CDC42SE2: variants seen among roughly 807,000 people sequenced by gnomAD.
The protein encoded by CDC42SE2 is CDC42 small effector protein 2.
CDC42SE2 carries 3 observed loss-of-function variants against 11.5 expected under a neutral mutation model. That is an observed-to-expected ratio of 0.26 (90% confidence interval 0.12 to 0.67). CDC42SE2 has a LOEUF of 0.67. CDC42SE2 is among the 30% of genes least tolerant of loss of function. CDC42SE2 has a pLI of 0.80. For missense variants in CDC42SE2, 82 were observed against 106.8 expected (o/e 0.77, Z 1.02); for synonymous variants, 33 against 34.8 (o/e 0.95, Z 0.18).
At chr5:131,342,525 G>GAT (rs1218523377) in intron 2 of CDC42SE2, among the ~76,000 whole-genome samples, 1 of 149,118 alleles carries the variant, frequency 6.7e-6, no homozygotes, top group Non-Finnish European at 1.5e-5. Context: ...GAGTAGCTGG[G>GAT]ATACAGGCGC....
intron 2 of CDC42SE2, among the ~76,000 whole-genome samples, chr5:131,324,589 G>A (rs1245521355): frequency 6.6e-6 from 1 of 152,188 alleles, no homozygotes; most frequent in East Asian, 1.9e-4. Flanking sequence ...GGTCTCATGT[G>A]GGACTGAGCT....
the CDC42SE2 span, among the ~76,000 whole-genome samples, chr5:131,228,359 C>T: frequency 8.5e-5 from 13 of 152,190 alleles, no homozygotes; most frequent in South Asian, 2.7e-3. Context: ...AGAGCAAGAC[C>T]TTGTCTCAAG....
chr5:131,391,134 A>C lies in CDC42SE2; in HGVS notation c.*43A>C. On this transcript the variant is annotated 3_prime_UTR_variant, in exon 5 of 5. Coordinates refer to ENST00000505065, the MANE Select transcript of CDC42SE2 (RefSeq NM_001375635.1). ...GTGAGTACTCAGAGCTGGGGTCTGG[A>C]CCTGACGGCCAGACATGGCCAGGCC... 1.4e-6 allele frequency: 2 copies of C among 1,411,756 alleles called. No homozygotes were observed. Among genetic ancestry groups the C allele is most frequent in the Non-Finnish European group, 2.0e-6 (2 of 1,004,308 alleles). 87.5% of individuals were successfully genotyped at this position (1,411,756 alleles called of 1,614,324 possible).
intron 3 of CDC42SE2, among the ~76,000 whole-genome samples, chr5:131,365,731 C>A (rs1749832533): frequency 6.6e-6 from 1 of 152,144 alleles, no homozygotes. Flanking sequence ...ACCTGTATCC[C>A]CAGCACTTTG....
chr5:131,311,310 C>A (rs1361756539), intron 1 of CDC42SE2, among the ~76,000 whole-genome samples: 2 of 151,874 alleles, frequency 1.3e-5, no homozygotes, highest in Non-Finnish European at 2.9e-5. Flanking sequence ...GCCGAGAGAT[C>A]CGCTGTTAGT....
chr5:131,284,942 C>T (rs1484596659), intron 1 of CDC42SE2, among the ~76,000 whole-genome samples: 2 of 151,686 alleles, frequency 1.3e-5, no homozygotes, highest in African/African-American at 2.4e-5. Context: ...ATTGCTTGAG[C>T]CAAAGGACTT....
chr5:131,322,003 A>G (rs973759986), intron 2 of CDC42SE2, among the ~76,000 whole-genome samples: 1 of 152,090 alleles, frequency 6.6e-6, no homozygotes, highest in African/African-American at 2.4e-5. Context: ...GGCACCCGCC[A>G]CCACGCCTGG....
chr5:131,342,449 C>T (rs760193498), intron 2 of CDC42SE2, among the ~76,000 whole-genome samples: 99 of 132,078 alleles, frequency 7.5e-4, no homozygotes, highest in Non-Finnish European at 1.4e-3. Flanking sequence ...AGTGCAGTGG[C>T]GCCGATCTCA....
intron 3 of CDC42SE2, among the ~76,000 whole-genome samples, chr5:131,369,574 C>T (rs1432792732): frequency 2.0e-5 from 3 of 152,136 alleles, no homozygotes; most frequent in Admixed American, 6.5e-5. Context: ...CTCTTCAACA[C>T]GTGGTATTTT....
chr5:131,263,126 AG>A (rs1322240063), upstream of CDC42SE2, among the ~76,000 whole-genome samples: 1 of 146,166 alleles, frequency 6.8e-6, no homozygotes, highest in Non-Finnish European at 1.5e-5. Flanking sequence ...TTGTAGAGAC[AG>A]GGTCTCGCTA....
At position 131,394,442 on chromosome 5, in the gene CDC42SE2, C is replaced by T. The variant is rs1750791487; in HGVS notation, c.*3351C>T. 6.6e-6 allele frequency: 1 copy of T among 152,288 alleles called. No homozygotes were observed. The highest frequency in any genetic ancestry group is 1.5e-5 in the Non-Finnish European group (1 of 68,010). The allele number at this position is 152,288 out of a possible 1,614,324, so 9.4% of individuals were successfully genotyped here. On this transcript the variant is annotated 3_prime_UTR_variant, in exon 5 of 5. Transcript: ENST00000505065. The stretch of plus-strand genomic sequence containing the variant: ...TACTTCGTAAGTACATTAGCTTTCA[C>T]TTTGTTGTTAAATTATAGCAGACTC...
At chr5:131,328,835 C>G (rs940192249) in intron 2 of CDC42SE2, among the ~76,000 whole-genome samples, 1 of 152,238 alleles carries the variant, frequency 6.6e-6, no homozygotes, top group East Asian at 1.9e-4. Flanking sequence ...GGTCAAATAG[C>G]CGCCACCTGG....
In CDC42SE2 at chr5:131,328,626, T is replaced by C. The variant is rs550873876; in HGVS notation, c.-286+12482T>C. ...TTCCATTGACTTTCTAGGGACACATTCTTGGATCATTCATTCCAGTAATAC... is the reference window on the plus strand; with the variant it reads ...TTCCATTGACTTTCTAGGGACACATCCTTGGATCATTCATTCCAGTAATAC... On this transcript the variant is annotated intron_variant, in intron 2 of 4. Transcript: ENST00000505065. 5.9e-5 allele frequency among the ~76,000 whole-genome samples: 9 copies of C among 152,348 alleles called. 1 individual carries two copies. The South Asian group carries it at 1.9e-3, about 32-fold the overall frequency.
At chr5:131,259,721 C>T (rs1258717964), upstream of CDC42SE2, among the ~76,000 whole-genome samples, 1 of 152,202 alleles carries the variant, frequency 6.6e-6, no homozygotes, top group Non-Finnish European at 1.5e-5. Context: ...AACTCTTAAG[C>T]CAGGACAAGA....
chr5:131,308,496 C>G (rs1325998349), intron 1 of CDC42SE2, among the ~76,000 whole-genome samples: 1 of 151,762 alleles, frequency 6.6e-6, no homozygotes, highest in African/African-American at 2.4e-5. Context: ...GCATTGGTAG[C>G]TTGATGGGGA....
intron 1 of CDC42SE2, among the ~76,000 whole-genome samples, chr5:131,273,879 G>A (rs531907270): frequency 6.6e-6 from 1 of 152,178 alleles, no homozygotes; most frequent in East Asian, 1.9e-4. Context: ...CCGGGCTCAG[G>A]TGATCCTCCT....
intron 1 of CDC42SE2, 133 bp from the exon 2 acceptor site, chr5:131,315,843 T>G (rs543844054): frequency 6.6e-6 from 1 of 152,322 alleles, no homozygotes; most frequent in South Asian, 2.1e-4. Context: ...TGCAGGTTGC[T>G]TAGGTTAAAC....
the CDC42SE2 span, among the ~76,000 whole-genome samples, chr5:131,234,719 T>C: frequency 3.3e-5 from 5 of 151,904 alleles, no homozygotes; most frequent in Non-Finnish European, 5.9e-5. Flanking sequence ...GCAATAATTA[T>C]GGAGGCCAAA....
intron 2 of CDC42SE2, among the ~76,000 whole-genome samples, chr5:131,356,791 C>G (rs180809336): frequency 1.7e-3 from 265 of 152,122 alleles, no homozygotes; most frequent in African/African-American, 4.5e-3. Context: ...ATCTGTAGTC[C>G]CAGCTACTTG....
Sources: gnomAD v4.1 joint callset for allele counts (sites outside exome capture counted in the v4.1 genomes callset) on GRCh38, gnomAD v4.1.1 for gene constraint, MANE v1.5 for transcripts, NCBI Gene and HGNC (gene_info 2026-07-23, HGNC 2026-07-21) for gene names.